RBPMS: variants seen among roughly 807,000 people sequenced by gnomAD.
RBPMS encodes the protein RNA binding protein, mRNA processing factor, also known as RNA-binding protein with multiple splicing.
A neutral mutation model predicts 26.8 loss-of-function variants in RBPMS; 7 were observed. The observed-to-expected ratio is 0.26, with a 90% CI of 0.15 to 0.49. The LOEUF (loss-of-function observed/expected upper bound fraction) is 0.49. Ranked by LOEUF, RBPMS falls within the 20% of genes least tolerant of loss-of-function variation. RBPMS has a pLI of 0.98. For missense variants in RBPMS, 186 were observed against 250.0 expected (o/e 0.74, Z 1.73); for synonymous variants, 96 against 93.3 (o/e 1.03, Z -0.17).
At chr8:30,560,296 G>C (rs1348723702) in intron 7 of RBPMS, among the ~76,000 whole-genome samples, 3 of 152,278 alleles carry the variant, frequency 2.0e-5, no homozygotes, top group East Asian at 3.9e-4. Context: ...GGCCCTTTTG[G>C]ATGAGCTCAG....
intron 5 of RBPMS, among the ~76,000 whole-genome samples, chr8:30,539,278 T>C (rs988167317): frequency 2.0e-5 from 3 of 152,334 alleles, no homozygotes; most frequent in African/African-American, 7.2e-5. Context: ...AAGTTGAGTA[T>C]GCTAAAAGCC....
intron 4 of RBPMS, among the ~76,000 whole-genome samples, chr8:30,480,090 G>A (rs1818117359): frequency 6.6e-6 from 1 of 152,226 alleles, no homozygotes; most frequent in Non-Finnish European, 1.5e-5. Flanking sequence ...TGTGGTTTCA[G>A]ATGCTGAGGA....
intron 6 of RBPMS, 77 bp downstream of exon 6, chr8:30,544,701 A>T: frequency 1.9e-6 from 3 of 1,605,394 alleles, no homozygotes; most frequent in Non-Finnish European, 2.5e-6. Flanking sequence ...AGAGCACACC[A>T]TACAACTAAC....
chr8:30,428,036 T>G (rs1049819510), intron 1 of RBPMS, among the ~76,000 whole-genome samples: 2 of 148,144 alleles, frequency 1.4e-5, no homozygotes, highest in African/African-American at 5.0e-5. Flanking sequence ...TTTTTTTTTT[T>G]TTTTTTGAGA....
rs183594474 is a variant in RBPMS at position 30,499,804 on chromosome 8, T to C, written c.247-4482T>C. On this transcript the variant is annotated intron_variant, in intron 4 of 8. Transcript: ENST00000397323. ...AAGAGATGTCCTTGTTTTTAGGAAA[T>C]CAAACTGAAGTAAAGGGTAAAAGAA... Among the ~76,000 whole-genome samples, 109 of 152,094 alleles carry C rather than the reference T, an allele frequency of 7.2e-4. 1 individual carries two copies. The highest frequency in any genetic ancestry group is 2.5e-3 in the African/African-American group (104 of 41,484).
chr8:30,395,752 G>A (rs562320372), intron 1 of RBPMS, among the ~76,000 whole-genome samples: 1 of 3,102 alleles, frequency 3.2e-4, no homozygotes, highest in East Asian at 6.8e-3. Context: ...CATGTGATCC[G>A]GGCCCTGCTG....
intron 5 of RBPMS, 85 bp from the exon 6 acceptor site, chr8:30,544,409 G>C: frequency 7.5e-7 from 1 of 1,326,518 alleles, no homozygotes. Flanking sequence ...AGTGATTGGG[G>C]CTCGGGGTTG....
At chr8:30,409,915 G>A (rs1402362006) in intron 1 of RBPMS, among the ~76,000 whole-genome samples, 2 of 152,168 alleles carry the variant, frequency 1.3e-5, no homozygotes, top group East Asian at 1.9e-4. Flanking sequence ...ATAGGCGTGA[G>A]CCACCGCACC....
rs186907824 is a variant in RBPMS at position 30,555,428 on chromosome 8, C to G, written c.529-3459C>G. 1.3e-3 allele frequency among the ~76,000 whole-genome samples: 200 copies of G among 152,240 alleles called. 3 individuals are homozygous for G. Among genetic ancestry groups the G allele is most frequent in the South Asian group, 0.012 (58 of 4,806 alleles). On this transcript the variant is annotated intron_variant, in intron 6 of 8. Transcript: ENST00000397323. The stretch of plus-strand genomic sequence containing the variant: ...CACAGGCTGTGTGAAGTGCTTAGCG[C>G]GGTCTCTGACGCAGACTAAATGTCA...
chr8:30,433,715 C>T (rs1812169872), intron 1 of RBPMS, among the ~76,000 whole-genome samples: 1 of 152,080 alleles, frequency 6.6e-6, no homozygotes, highest in Admixed American at 6.6e-5. Context: ...ACCTACCTGG[C>T]AGGATCATTG....
chr8:30,418,343 A>C (rs935909606), intron 1 of RBPMS, among the ~76,000 whole-genome samples: 1 of 152,198 alleles, frequency 6.6e-6, no homozygotes, highest in Non-Finnish European at 1.5e-5. Context: ...CAGTCTCCCC[A>C]GTAGCTGGGA....
chr8:30,519,281 C>G (rs1822741876), intron 5 of RBPMS, among the ~76,000 whole-genome samples: 1 of 152,074 alleles, frequency 6.6e-6, no homozygotes, highest in Admixed American at 6.6e-5. Context: ...AAAAACGAAT[C>G]ATTCATGTTT....
chr8:30,493,012 G>A (rs544212251), intron 4 of RBPMS, among the ~76,000 whole-genome samples: 2 of 152,200 alleles, frequency 1.3e-5, no homozygotes, highest in Admixed American at 6.5e-5. Flanking sequence ...CACCCATAAG[G>A]CTTTAGTCAA....
intron 5 of RBPMS, among the ~76,000 whole-genome samples, chr8:30,522,900 C>A (rs1585754551): frequency 6.6e-6 from 1 of 152,128 alleles, no homozygotes; most frequent in Non-Finnish European, 1.5e-5. Context: ...TTGTCCATTT[C>A]TTCTTTTCCT....
chr8:30,571,027 ATAT>A lies in RBPMS; in HGVS notation c.*506_*508del, dbSNP rs1377418404. 2.6e-5 allele frequency: 4 copies of A among 152,280 alleles called. No homozygotes were observed. Among genetic ancestry groups the A allele is most frequent in the African/African-American group, 9.6e-5 (4 of 41,530 alleles). The allele number at this position is 152,280 out of a possible 1,614,324, so 9.4% of individuals were successfully genotyped here. ...TTGCATGTTTGAGGCATGTTTCCAA[ATAT>A]TATCAAAATATCCTGAATTGTATTG... On this transcript the variant is annotated 3_prime_UTR_variant, in exon 9 of 9. Transcript: ENST00000397323.
chr8:30,435,251 G>A (rs1812331526), intron 1 of RBPMS, among the ~76,000 whole-genome samples: 1 of 152,176 alleles, frequency 6.6e-6, no homozygotes, highest in Non-Finnish European at 1.5e-5. Context: ...TGAGGTATAT[G>A]TGTAACGTAT....
At chr8:30,503,650 G>T (rs1021047136) in intron 4 of RBPMS, among the ~76,000 whole-genome samples, 2 of 152,056 alleles carry the variant, frequency 1.3e-5, no homozygotes, top group Non-Finnish European at 2.9e-5. Context: ...TGTACATTCA[G>T]AACACTAAAT....
chr8:30,532,905 G>A (rs1248950049), intron 5 of RBPMS, among the ~76,000 whole-genome samples: 2 of 152,090 alleles, frequency 1.3e-5, no homozygotes, highest in African/African-American at 4.8e-5. Context: ...CAGTTAAACA[G>A]GAATTACCTG....
intron 6 of RBPMS, among the ~76,000 whole-genome samples, chr8:30,552,141 AGAATG>A (rs1462500939): frequency 5.3e-5 from 8 of 152,198 alleles, no homozygotes; most frequent in African/African-American, 1.7e-4. Flanking sequence ...AGCCAGGGTG[AGAATG>A]GTCCGTGGCT....
Sources: allele counts gnomAD v4.1 joint callset (sites outside exome capture counted in the v4.1 genomes callset), GRCh38; gene constraint gnomAD v4.1.1; transcripts MANE v1.5; gene names NCBI Gene and HGNC (gene_info 2026-07-23, HGNC 2026-07-21).